ATP8B4: variants seen among roughly 807,000 people sequenced by gnomAD.
The protein encoded by ATP8B4 is probable phospholipid-transporting ATPase IM.
In ATP8B4, 133 loss-of-function variants were observed where a neutral mutation model predicts 145.6. The observed-to-expected ratio is 0.91, with a 90% CI of 0.79 to 1.05. ATP8B4 has a LOEUF of 1.05. Ranked by LOEUF, ATP8B4 falls within the 50% of genes least tolerant of loss-of-function variation. The pLI is 0.00. For missense variants in ATP8B4, 1,458 were observed against 1,425.2 expected (o/e 1.02, Z -0.37); for synonymous variants, 507 against 492.9 (o/e 1.03, Z -0.38).
At chr15:50,175,090 C>T (rs1024912722) in intron 1 of ATP8B4, among the ~76,000 whole-genome samples, 22 of 152,110 alleles carry the variant, frequency 1.4e-4, no homozygotes, top group Non-Finnish European at 1.3e-4. Flanking sequence ...ATTGGCTAGC[C>T]ACATGTAGAA....
intron 2 of ATP8B4, among the ~76,000 whole-genome samples, chr15:50,086,922 TAAA>T (rs1391462529): frequency 2.1e-4 from 20 of 97,316 alleles, no homozygotes; most frequent in African/African-American, 9.0e-4. Flanking sequence ...TTATATATAA[TAAA>T]ATAATATAGA....
At chr15:50,003,032 G>A (rs1473308258) in intron 7 of ATP8B4, among the ~76,000 whole-genome samples, 2 of 152,030 alleles carry the variant, frequency 1.3e-5, no homozygotes, top group Non-Finnish European at 2.9e-5. Flanking sequence ...ATTTTGAAGG[G>A]TCTGAATGTC....
At chr15:50,124,496 C>T (rs114967111) in intron 1 of ATP8B4, among the ~76,000 whole-genome samples, 189 of 152,166 alleles carry the variant, frequency 1.2e-3, no homozygotes, top group African/African-American at 4.0e-3. Flanking sequence ...CAGATAGAGA[C>T]CCGGATTTAG....
Position 49,876,294 on chromosome 15 carries a change from A to G in ATP8B4, c.3011T>C (p.Ile1004Thr), listed in dbSNP as rs757737957. The G allele has an allele frequency of 2.5e-6, 4 of 1,614,104 alleles. No homozygotes were observed. Among genetic ancestry groups the G allele is most frequent in the South Asian group, 1.1e-5 (1 of 91,082 alleles). The part of the protein sequence containing the change: ...FAVTMATSLV[I>T]VVSVQIALDT... ...CAGCGTTACCTGCACACTGACCACA[A>G]TGACCAAAGATGTGGCCATGGTAAC... Residue 1004 changes from isoleucine (I) to threonine (T), a missense_variant, in exon 25 of 28, where the codon ATT becomes ACT. Ile to Thr is a moderately conservative substitution (Grantham distance 89). Transcript: ENST00000284509.
intron 9 of ATP8B4, 53 bp downstream of exon 9, chr15:49,996,624 C>T (rs1567166910): frequency 1.5e-6 from 2 of 1,355,436 alleles, no homozygotes; most frequent in South Asian, 1.3e-5. Flanking sequence ...TACTTTGTTG[C>T]ATTGCTTTTT....
At chr15:50,075,604 A>G (rs1438074351) in intron 2 of ATP8B4, among the ~76,000 whole-genome samples, 1 of 152,172 alleles carries the variant, frequency 6.6e-6, no homozygotes, top group Non-Finnish European at 1.5e-5. Context: ...AACTGCTGAT[A>G]AGAACAATAT....
intron 1 of ATP8B4, among the ~76,000 whole-genome samples, chr15:50,150,726 A>C (rs750905321): frequency 6.6e-6 from 1 of 152,248 alleles, no homozygotes; most frequent in African/African-American, 2.4e-5. Context: ...TCAGAGTTGT[A>C]CCTCTGCAAG....
At chr15:49,908,701 G>A (rs1223312197) in intron 20 of ATP8B4, among the ~76,000 whole-genome samples, 1 of 152,046 alleles carries the variant, frequency 6.6e-6, no homozygotes, top group African/African-American at 2.4e-5. Context: ...CCTGCCTGAG[G>A]GCCCAACAGT....
chr15:49,912,239 G>T (rs965876623), intron 20 of ATP8B4, among the ~76,000 whole-genome samples: 3 of 151,964 alleles, frequency 2.0e-5, no homozygotes, highest in Non-Finnish European at 4.4e-5. Context: ...TGAAAACTTG[G>T]TTTTTTTGAA....
At chr15:50,015,245 A>T (rs980742503) in intron 6 of ATP8B4, among the ~76,000 whole-genome samples, 19 of 152,362 alleles carry the variant, frequency 1.2e-4, no homozygotes, top group African/African-American at 3.8e-4. Context: ...CAATAGAGAA[A>T]GAAAATGAAG....
chr15:49,866,788 A>C (rs1376171313), intron 25 of ATP8B4, among the ~76,000 whole-genome samples: 1 of 152,256 alleles, frequency 6.6e-6, no homozygotes, highest in Non-Finnish European at 1.5e-5. Flanking sequence ...ATATGAAAGC[A>C]CAAGGGCTTA....
At chr15:49,933,996 C>CAAA in intron 15 of ATP8B4, 21 bp downstream of exon 15, 1 of 1,501,660 alleles carries the variant, frequency 6.7e-7, no homozygotes, top group Non-Finnish European at 8.9e-7. Context: ...GTTCACCACT[C>CAAA]AGACATAACT....
At chr15:50,138,556 C>T (rs529362125) in intron 1 of ATP8B4, among the ~76,000 whole-genome samples, 1 of 152,130 alleles carries the variant, frequency 6.6e-6, no homozygotes, top group African/African-American at 2.4e-5. Context: ...GGCACCACTG[C>T]CACAACTTAA....
At chr15:49,952,187 C>T (rs908029196) in intron 14 of ATP8B4, among the ~76,000 whole-genome samples, 1 of 152,114 alleles carries the variant, frequency 6.6e-6, no homozygotes, top group African/African-American at 2.4e-5. Flanking sequence ...TTGATCTTCT[C>T]GTGGAGTATC....
At chr15:49,948,462 C>G (rs960158291) in intron 14 of ATP8B4, among the ~76,000 whole-genome samples, 6 of 151,746 alleles carry the variant, frequency 4.0e-5, no homozygotes, top group African/African-American at 1.5e-4. Flanking sequence ...AAAAAGACTG[C>G]TCAGCAAAGG....
At chr15:50,140,377 A>T (rs1345125992) in intron 1 of ATP8B4, among the ~76,000 whole-genome samples, 3 of 152,172 alleles carry the variant, frequency 2.0e-5, no homozygotes, top group Admixed American at 1.3e-4. Flanking sequence ...TAGTTAAATC[A>T]CTTACAATCC....
At chr15:50,021,728 T>C (rs1316425332) in intron 6 of ATP8B4, among the ~76,000 whole-genome samples, 1 of 152,260 alleles carries the variant, frequency 6.6e-6, no homozygotes, top group African/African-American at 2.4e-5. Flanking sequence ...TTGTTTATTA[T>C]GTGTCTTCCA....
rs1462806049 is a variant in ATP8B4, at chr15:50,051,914, A to G, written c.88-4450T>C. ...TATGACAATTTTCTCCTATTTGCTT[A>G]GCATGACATATAGCAATGATTGTGT... On this transcript the variant is annotated intron_variant, in intron 3 of 27. Coordinates refer to ENST00000284509, the MANE Select transcript of ATP8B4 (RefSeq NM_024837.4). Among the ~76,000 whole-genome samples, 3 of 152,232 alleles carry G rather than the reference A, an allele frequency of 2.0e-5. No homozygotes were observed. The East Asian group carries it at 5.8e-4, about 29-fold the overall frequency.
At chr15:49,986,581 A>G (rs1031266775) in intron 10 of ATP8B4, among the ~76,000 whole-genome samples, 1 of 152,230 alleles carries the variant, frequency 6.6e-6, no homozygotes, top group Admixed American at 6.5e-5. Context: ...TAAGACTTTA[A>G]TGAACACTTT....
Sources: gnomAD v4.1 joint callset for allele counts (sites outside exome capture counted in the v4.1 genomes callset) on GRCh38, gnomAD v4.1.1 for gene constraint, MANE v1.5 for transcripts, NCBI Gene and HGNC (gene_info 2026-07-23, HGNC 2026-07-21) for gene names.